Variants in XCR1 observed in about 807,000 individuals in gnomAD.
The protein encoded by XCR1 is chemokine XC receptor 1.
For missense variants in XCR1, 356 were observed against 424.2 expected (o/e 0.84, Z 1.41); for synonymous variants, 187 against 188.5 (o/e 0.99, Z 0.06).
intron 1 of XCR1, among the ~76,000 whole-genome samples, chr3:46,084,580 G>A (rs1456205068): frequency 1.3e-5 from 2 of 152,160 alleles, no homozygotes; most frequent in Non-Finnish European, 2.9e-5. Flanking sequence ...ATAAACCAAT[G>A]AGAATTCCTG....
At chr3:46,034,095 C>G (rs1374561490) in intron 5 of XCR1, among the ~76,000 whole-genome samples, 1 of 152,136 alleles carries the variant, frequency 6.6e-6, no homozygotes, top group African/African-American at 2.4e-5. Flanking sequence ...GTATCAGCCT[C>G]TGGAGTAGCT....
At position 46,021,036 on chromosome 3, in the gene XCR1, C is replaced by T; in HGVS notation, c.912G>A (p.Gln304=). 2 of 1,614,036 alleles carry T rather than the reference C, an allele frequency of 1.2e-6. No individual in the cohort carries two copies. Among genetic ancestry groups the T allele is most frequent in the Non-Finnish European group, 1.7e-6 (2 of 1,179,930 alleles). The change falls in exon 2 of 2, where the codon CAG becomes CAA. Residue 304 remains glutamine, a synonymous_variant. Coordinates refer to ENST00000309285, the MANE Select transcript of XCR1 (RefSeq NM_001024644.2). The surrounding 1 kb of genome is among the most constrained non-coding windows in gnomAD (Gnocchi z 4.7). ...GTGCCTGCAGCCGGCAGAACCAGAA[C>T]TGCCGGAGAACATGTTTCAGGTGTG... ...FRTHLKHVLR[Q]FWFCRLQAPS... is the part of the protein sequence containing the mutation.
At chr3:46,061,714 A>G (rs1490870213) in intron 4 of XCR1, among the ~76,000 whole-genome samples, 1 of 152,104 alleles carries the variant, frequency 6.6e-6, no homozygotes, top group African/African-American at 2.4e-5. Flanking sequence ...GGAAAGGAAT[A>G]TGGGGAGTTA....
intron 5 of XCR1, among the ~76,000 whole-genome samples, chr3:46,050,377 T>A (rs781301470): frequency 5.3e-5 from 8 of 152,222 alleles, no homozygotes; most frequent in Non-Finnish European, 1.2e-4. Context: ...GTAACCTGTC[T>A]TTACAGAGAA....
chr3:46,032,579 C>T (rs1438132809), intron 5 of XCR1, among the ~76,000 whole-genome samples: 1 of 152,188 alleles, frequency 6.6e-6, no homozygotes, highest in East Asian at 1.9e-4. Flanking sequence ...CAGGATAAGC[C>T]CAGTGGGCCT....
At chr3:46,022,699 A>G (rs1334003028) in intron 1 of XCR1, among the ~76,000 whole-genome samples, 2 of 152,242 alleles carry the variant, frequency 1.3e-5, no homozygotes, top group African/African-American at 2.4e-5. Flanking sequence ...TAAAACTTAA[A>G]TGCTTGTTAA....
At position 46,067,519 on chromosome 3, in the gene XCR1, C is replaced by T. The variant is rs531011931; in HGVS notation, c.-262-541G>A. Among the ~76,000 whole-genome samples the T allele has an allele frequency of 5.9e-5, 9 of 152,198 alleles. No individual in the cohort carries two copies. The South Asian group carries it at 1.9e-3, about 32-fold the overall frequency. On this transcript the variant is annotated intron_variant, in intron 3 of 5. Transcript: ENST00000683768. The stretch of plus-strand genomic sequence containing the variant: ...CTTCAGTTCTGGCCAGCTCATGTCA[C>T]CCATAGCACATTCTTACCACAAAGG...
intron 5 of XCR1, among the ~76,000 whole-genome samples, chr3:46,036,299 C>A (rs1034185462): frequency 6.6e-6 from 1 of 152,150 alleles, no homozygotes; most frequent in South Asian, 2.1e-4. Flanking sequence ...CTTTAAAAAT[C>A]AAACTGCTAT....
intron 1 of XCR1, among the ~76,000 whole-genome samples, chr3:46,078,925 TCATCTG>T (rs1330313672): frequency 6.6e-6 from 1 of 152,166 alleles, no homozygotes; most frequent in Non-Finnish European, 1.5e-5. Context: ...AGGGACTCGA[TCATCTG>T]CATGGGCATA....
In XCR1 at chr3:46,060,563, G is replaced by A. The variant is rs114550144; in HGVS notation, c.-183+6336C>T. Among the ~76,000 whole-genome samples the A allele has an allele frequency of 8.4e-3, 1,286 of 152,214 alleles. 14 individuals are homozygous for A. The highest frequency in any genetic ancestry group is 0.025 in the South Asian group (122 of 4,818). Reference sequence around the variant, plus strand: ...TGGCAGTTTTAACTTGTAATTCAATGGAATCATTGTTGAATCTCCTGGTGG... The same window carrying A: ...TGGCAGTTTTAACTTGTAATTCAATAGAATCATTGTTGAATCTCCTGGTGG... On this transcript the variant is annotated intron_variant, in intron 4 of 5. Coordinates refer to the XCR1 transcript ENST00000683768.
chr3:46,072,183 C>A (rs1309230309), intron 3 of XCR1, among the ~76,000 whole-genome samples: 2 of 152,060 alleles, frequency 1.3e-5, no homozygotes, highest in Non-Finnish European at 2.9e-5. Context: ...ATCAAGACAG[C>A]AATCCCATTT....
rs146432240 is a variant in XCR1 at position 46,032,887 on chromosome 3, G to A, written c.-31-10909C>T. On this transcript the variant is annotated intron_variant, in intron 5 of 5. Coordinates refer to the XCR1 transcript ENST00000683768. Reference sequence around the variant, plus strand: ...TAATTCTATAATGACATATGATGTTGAGCATCTTTTCATATGCAATTTCGA... The same window carrying A: ...TAATTCTATAATGACATATGATGTTAAGCATCTTTTCATATGCAATTTCGA... 2.0e-3 allele frequency among the ~76,000 whole-genome samples: 311 copies of A among 152,250 alleles called. 1 individual carries two copies. The highest frequency in any genetic ancestry group is 7.2e-3 in the African/African-American group (301 of 41,550).
intron 4 of XCR1, among the ~76,000 whole-genome samples, chr3:46,055,432 G>A (rs184021725): frequency 2.0e-5 from 3 of 152,242 alleles, no homozygotes; most frequent in Admixed American, 2.0e-4. Flanking sequence ...CCCTCCAGAC[G>A]AATGGATCAT....
rs1697593698 is a variant in XCR1, at chr3:46,044,726, T to C, written c.-32+9194A>G. Among the ~76,000 whole-genome samples the C allele has an allele frequency of 1.3e-5, 2 of 152,212 alleles. 1 individual carries two copies. The highest frequency in any genetic ancestry group is 4.1e-4 in the South Asian group (2 of 4,832). Reference sequence around the variant, plus strand: ...ATGATAAAGAAATAATGAACAACTCTATGCCTGCAAATCCGATAACTTAGA... The same window carrying C: ...ATGATAAAGAAATAATGAACAACTCCATGCCTGCAAATCCGATAACTTAGA... On this transcript the variant is annotated intron_variant, in intron 5 of 5. Coordinates refer to the XCR1 transcript ENST00000683768.
At chr3:46,072,558 C>G (rs187250802) in intron 3 of XCR1, among the ~76,000 whole-genome samples, 33 of 151,940 alleles carry the variant, frequency 2.2e-4, no homozygotes, top group Admixed American at 1.6e-3. Context: ...TAAATTTAAC[C>G]AAGGAGGTGA....
intron 3 of XCR1, among the ~76,000 whole-genome samples, chr3:46,067,260 G>A (rs1698094130): frequency 6.6e-6 from 1 of 152,176 alleles, no homozygotes; most frequent in Non-Finnish European, 1.5e-5. Context: ...CTTCCTGGAG[G>A]AGGTGATGTC....
At chr3:46,038,717 A>G (rs964102581) in intron 5 of XCR1, among the ~76,000 whole-genome samples, 1 of 152,324 alleles carries the variant, frequency 6.6e-6, no homozygotes, top group South Asian at 2.1e-4. Context: ...AAAAAATACA[A>G]GACTTATTTT....
intron 4 of XCR1, among the ~76,000 whole-genome samples, chr3:46,056,429 TG>T (rs542692095): frequency 5.9e-5 from 9 of 152,072 alleles, no homozygotes; most frequent in African/African-American, 2.2e-4. Flanking sequence ...ATTTAAAACT[TG>T]GGGGGATGGT....
At chr3:46,024,844 C>T (rs997356606) in intron 1 of XCR1, among the ~76,000 whole-genome samples, 3 of 151,922 alleles carry the variant, frequency 2.0e-5, no homozygotes, top group African/African-American at 7.3e-5. Context: ...TTTAATGATG[C>T]ATGAGTGGAA....
Sources: allele counts gnomAD v4.1 joint callset (sites outside exome capture counted in the v4.1 genomes callset), GRCh38; gene constraint gnomAD v4.1.1; non-coding constraint Gnocchi (gnomAD v3.1); transcripts MANE v1.5; gene names NCBI Gene and HGNC (gene_info 2026-07-23, HGNC 2026-07-21).